Variants in ASTN1 observed in about 807,000 individuals in gnomAD.
ASTN1 encodes the protein astrotactin 1.
Under a neutral mutation model 140.7 loss-of-function variants are expected in ASTN1, and 41 were observed. The observed-to-expected ratio is 0.29, with a 90% CI of 0.23 to 0.38. The LOEUF (loss-of-function observed/expected upper bound fraction) is 0.38, where lower values mean the gene tolerates loss of function less well. Ranked by LOEUF, ASTN1 falls within the 10% of genes least tolerant of loss-of-function variation. The pLI, the probability that ASTN1 is intolerant of heterozygous loss-of-function variation, is 1.00. For synonymous variants in ASTN1, 640 were observed against 652.2 expected (o/e 0.98, Z 0.29); for missense variants, 1,479 against 1,678.8 (o/e 0.88, Z 2.08).
At chr1:176,982,088 C>T (rs1673645471) in intron 8 of ASTN1, among the ~76,000 whole-genome samples, 1 of 152,208 alleles carries the variant, frequency 6.6e-6, no homozygotes, top group Non-Finnish European at 1.5e-5. Context: ...GCTTTTACAA[C>T]TAAATGTGCC....
intron 2 of ASTN1, among the ~76,000 whole-genome samples, chr1:177,053,714 T>C (rs1218200412): frequency 6.6e-6 from 1 of 151,696 alleles, no homozygotes; most frequent in Admixed American, 6.6e-5. Context: ...AGTTTGTATA[T>C]GAAGAAGCTA....
intron 8 of ASTN1, among the ~76,000 whole-genome samples, chr1:176,969,447 C>G (rs948778885): frequency 5.9e-5 from 9 of 152,182 alleles, no homozygotes; most frequent in Non-Finnish European, 1.0e-4. Context: ...GGACCAATCT[C>G]TCGGCCGGGT....
rs1647579325 is a variant in ASTN1 at position 177,164,357 on chromosome 1, A to G, written c.283+37T>C. 3 of 1,526,916 alleles carry G rather than the reference A, an allele frequency of 2.0e-6. No homozygotes were observed. The South Asian group carries it at 3.8e-5, about 19-fold the overall frequency. 94.6% of individuals were successfully genotyped at this position (1,526,916 alleles called of 1,614,324 possible). On this transcript the variant is annotated intron_variant, in intron 1 of 22. Transcript: ENST00000361833. Reference sequence around the variant, plus strand: ...GAGTGGGGGGTGGGGGCGCCGGTCCAGCGCCTCCGGCCGCCTCGACCTCCC... The same window carrying G: ...GAGTGGGGGGTGGGGGCGCCGGTCCGGCGCCTCCGGCCGCCTCGACCTCCC...
At chr1:176,925,244 A>G (rs761578439) in intron 16 of ASTN1, among the ~76,000 whole-genome samples, 3 of 152,210 alleles carry the variant, frequency 2.0e-5, no homozygotes, top group African/African-American at 7.2e-5. Context: ...CCCGGAGACC[A>G]CCGTGCCATG....
intron 16 of ASTN1, among the ~76,000 whole-genome samples, chr1:176,929,125 T>C (rs968393786): frequency 6.6e-6 from 1 of 152,162 alleles, no homozygotes; most frequent in Non-Finnish European, 1.5e-5. Flanking sequence ...TTGGGGTAGG[T>C]AGCAGTCAGT....
chr1:176,958,419 T>C lies in ASTN1; in HGVS notation c.1662A>G (p.Pro554=). The C allele has an allele frequency of 2.5e-6, 4 of 1,614,142 alleles. No individual in the cohort carries two copies. Among genetic ancestry groups the C allele is most frequent in the Non-Finnish European group, 3.4e-6 (4 of 1,179,998 alleles). Residue 554 remains proline, a synonymous_variant, in exon 10 of 23, where the codon CCA becomes CCG. Transcript: ENST00000361833. ...CTGATGGATTGATGGCCAGTTCGGC[T>C]GGTGGAATCACAAAGCTCTTGCTGA... ...LPLSKSFVIP[P]AELAINPSAK... is the part of the protein sequence containing the mutation.
At chr1:176,874,113 C>A (rs1333576422) in intron 21 of ASTN1, among the ~76,000 whole-genome samples, 1 of 152,196 alleles carries the variant, frequency 6.6e-6, no homozygotes, top group Non-Finnish European at 1.5e-5. Context: ...GCAAGGACAC[C>A]AGCAAATGCT....
Position 176,884,492 on chromosome 1 carries a change from T to C in ASTN1, c.3075-2A>G. On this transcript the variant is annotated splice_acceptor_variant, in intron 18 of 22. Coordinates refer to ENST00000361833, the MANE Select transcript of ASTN1 (RefSeq NM_004319.3). LOFTEE classifies it high-confidence loss of function. Reference sequence around the variant, plus strand: ...TCGTGAACCGTGGAGAGTCTCAGCCTGTGTGCAGACAGGAAGGAACATGAA... The same window carrying C: ...TCGTGAACCGTGGAGAGTCTCAGCCCGTGTGCAGACAGGAAGGAACATGAA... 1 of 1,604,792 alleles carries C rather than the reference T, an allele frequency of 6.2e-7. No individual in the cohort carries two copies. Among genetic ancestry groups the C allele is most frequent in the Non-Finnish European group, 8.5e-7 (1 of 1,172,896 alleles).
At chr1:177,038,422 G>T (rs1425885226) in intron 2 of ASTN1, among the ~76,000 whole-genome samples, 1 of 152,150 alleles carries the variant, frequency 6.6e-6, no homozygotes, top group Non-Finnish European at 1.5e-5. Flanking sequence ...AAAGCAGATG[G>T]TCAATAATTG....
intron 8 of ASTN1, among the ~76,000 whole-genome samples, chr1:176,979,930 T>C (rs1055236663): frequency 1.3e-5 from 2 of 152,154 alleles, no homozygotes; most frequent in Non-Finnish European, 2.9e-5. Flanking sequence ...AACACCAGCA[T>C]CAACAATCTT....
intron 12 of ASTN1, among the ~76,000 whole-genome samples, chr1:176,948,105 G>A (rs1299808812): frequency 6.6e-6 from 1 of 152,088 alleles, no homozygotes; most frequent in African/African-American, 2.4e-5. Context: ...TATTCAGCAG[G>A]CACTGGCTTT....
intron 1 of ASTN1, 135 bp from the exon 2 acceptor site, chr1:177,061,400 C>A: frequency 1.4e-6 from 1 of 734,564 alleles, no homozygotes. Context: ...ATAGTTAGGT[C>A]AGATTTTACT....
At chr1:177,051,731 T>C (rs1208850527) in intron 2 of ASTN1, among the ~76,000 whole-genome samples, 1 of 152,118 alleles carries the variant, frequency 6.6e-6, no homozygotes, top group East Asian at 1.9e-4. Context: ...TAGTGTGATC[T>C]GGAGAAAAGG....
intron 8 of ASTN1, among the ~76,000 whole-genome samples, chr1:176,965,672 T>A (rs151046005): frequency 6.6e-6 from 1 of 152,326 alleles, no homozygotes; most frequent in African/African-American, 2.4e-5. Flanking sequence ...CATGGACCGA[T>A]AATTTGCTTG....
At chr1:177,052,781 ACTGTAC>A (rs1208915510) in intron 2 of ASTN1, among the ~76,000 whole-genome samples, 1 of 152,194 alleles carries the variant, frequency 6.6e-6, no homozygotes, top group Non-Finnish European at 1.5e-5. Flanking sequence ...AAGGGTTTCT[ACTGTAC>A]TAGCTAAAAG....
At chr1:176,923,162 T>C (rs1670810639) in intron 16 of ASTN1, among the ~76,000 whole-genome samples, 1 of 152,180 alleles carries the variant, frequency 6.6e-6, no homozygotes, top group South Asian at 2.1e-4. Flanking sequence ...CTACTTCCAT[T>C]GCAATATCAA....
intron 13 of ASTN1, among the ~76,000 whole-genome samples, chr1:176,945,246 A>G (rs1022711184): frequency 1.3e-5 from 2 of 152,232 alleles, no homozygotes; most frequent in African/African-American, 2.4e-5. Context: ...TAGCTTTATT[A>G]TATTTATATA....
intron 8 of ASTN1, among the ~76,000 whole-genome samples, chr1:177,000,334 T>A (rs1315494281): frequency 6.6e-6 from 1 of 152,154 alleles, no homozygotes; most frequent in African/African-American, 2.4e-5. Context: ...TTTTACATAG[T>A]GATTTGAACA....
At chr1:177,037,739 G>C (rs1571690532) in intron 2 of ASTN1, among the ~76,000 whole-genome samples, 1 of 152,098 alleles carries the variant, frequency 6.6e-6, no homozygotes, top group Non-Finnish European at 1.5e-5. Flanking sequence ...TTATTCTATT[G>C]ATTTTTTTCT....
Sources: gnomAD v4.1 joint callset for allele counts (sites outside exome capture counted in the v4.1 genomes callset) on GRCh38, gnomAD v4.1.1 for gene constraint, MANE v1.5 for transcripts, NCBI Gene and HGNC (gene_info 2026-07-23, HGNC 2026-07-21) for gene names.